The following PELI2 variants were observed in gnomAD, a reference collection of about 807,000 sequenced individuals.
PELI2 encodes E3 ubiquitin-protein ligase pellino homolog 2.
In PELI2, 23 loss-of-function variants were observed where a neutral mutation model predicts 42.3. The ratio of observed to expected loss-of-function variants is 0.54; its 90% CI spans 0.39 to 0.77. PELI2 has a LOEUF of 0.77. Among genes scored for constraint, PELI2 ranks in the 30% least tolerant of loss-of-function variants. The probability of loss-of-function intolerance (pLI) is 0.00; values close to 1 mark genes in which losing one functional copy is unlikely to be tolerated. For missense variants in PELI2, 463 were observed against 553.2 expected (o/e 0.84, Z 1.64); for synonymous variants, 245 against 212.2 (o/e 1.15, Z -1.34).
intron 2 of PELI2, among the ~76,000 whole-genome samples, chr14:56,221,559 G>A (rs1340650523): frequency 6.6e-6 from 1 of 152,182 alleles, no homozygotes; most frequent in African/African-American, 2.4e-5. Context: ...TTGTCTGACT[G>A]CCAAGGTAAC....
chr14:56,287,601 A>G (rs539348127), intron 3 of PELI2, among the ~76,000 whole-genome samples: 2 of 152,238 alleles, frequency 1.3e-5, no homozygotes, highest in Non-Finnish European at 2.9e-5. Flanking sequence ...TTTCAATGAA[A>G]CCAGCAGTTT....
At chr14:56,251,550 A>G (rs1346195107) in intron 2 of PELI2, among the ~76,000 whole-genome samples, 1 of 152,178 alleles carries the variant, frequency 6.6e-6, no homozygotes, top group Non-Finnish European at 1.5e-5. Flanking sequence ...GTTGTGATGC[A>G]GGGAGGTGGA....
intron 2 of PELI2, among the ~76,000 whole-genome samples, chr14:56,231,856 T>C (rs878867072): frequency 3.9e-5 from 6 of 152,110 alleles, no homozygotes; most frequent in Admixed American, 2.6e-4. Context: ...ATTGATAGAC[T>C]GCTAGCAAGA....
intron 4 of PELI2, 43 bp from the exon 5 acceptor site, chr14:56,290,225 A>G (rs374796503): frequency 3.5e-6 from 5 of 1,419,802 alleles, no homozygotes; most frequent in African/African-American, 1.4e-5. Context: ...CCATTTCAAC[A>G]TCATCTTAAC....
At chr14:56,265,041 A>G (rs1888846140) in intron 2 of PELI2, among the ~76,000 whole-genome samples, 1 of 152,206 alleles carries the variant, frequency 6.6e-6, no homozygotes, top group Non-Finnish European at 1.5e-5. Context: ...TGGATCAGAA[A>G]ACTCAACAGT....
intron 3 of PELI2, among the ~76,000 whole-genome samples, chr14:56,283,258 C>G (rs1167814616): frequency 6.6e-6 from 1 of 152,180 alleles, no homozygotes; most frequent in African/African-American, 2.4e-5. Flanking sequence ...TTACTAACTT[C>G]TGAGTACTTT....
intron 3 of PELI2, among the ~76,000 whole-genome samples, chr14:56,282,821 A>T (rs1472523409): frequency 6.6e-6 from 1 of 152,066 alleles, no homozygotes; most frequent in Non-Finnish European, 1.5e-5. Context: ...ATGGAACTTT[A>T]TTATTATATC....
chr14:56,282,902 T>C (rs1019260463), intron 3 of PELI2, among the ~76,000 whole-genome samples: 1 of 152,162 alleles, frequency 6.6e-6, no homozygotes, highest in Non-Finnish European at 1.5e-5. Context: ...GTGAAGATTT[T>C]AAAGATTTTT....
intron 2 of PELI2, among the ~76,000 whole-genome samples, chr14:56,249,666 G>A (rs1454258304): frequency 6.6e-6 from 1 of 152,188 alleles, no homozygotes; most frequent in Non-Finnish European, 1.5e-5. Flanking sequence ...GAGGCAATAT[G>A]GGAATACACA....
intron 1 of PELI2, among the ~76,000 whole-genome samples, chr14:56,161,967 C>CT (rs1374769237): frequency 6.6e-6 from 1 of 151,968 alleles, no homozygotes; most frequent in Non-Finnish European, 1.5e-5. Flanking sequence ...TGCAACATTT[C>CT]TTTTTTTTCC....
At chr14:56,163,516 G>A (rs549340251) in intron 1 of PELI2, among the ~76,000 whole-genome samples, 13 of 151,654 alleles carry the variant, frequency 8.6e-5, no homozygotes, top group African/African-American at 1.7e-4. Flanking sequence ...TGATTTCTCC[G>A]GTTTCATTCT....
At chr14:56,295,359 G>T (rs1295780487) in intron 5 of PELI2, among the ~76,000 whole-genome samples, 2 of 151,830 alleles carry the variant, frequency 1.3e-5, no homozygotes, top group African/African-American at 2.4e-5. Flanking sequence ...CCCCCACCCA[G>T]TGCCCTGAAC....
chr14:56,241,874 C>T (rs2139795641), intron 2 of PELI2, among the ~76,000 whole-genome samples: 1 of 152,212 alleles, frequency 6.6e-6, no homozygotes, highest in East Asian at 1.9e-4. Flanking sequence ...CATTTTAGAT[C>T]CATAAGGACT....
At chr14:56,198,010 A>ACACACCCC (rs772024884) in intron 2 of PELI2, among the ~76,000 whole-genome samples, 1,513 of 114,500 alleles carry the variant, frequency 0.013, 30 homozygotes, top group East Asian at 0.075. Flanking sequence ...ACACACACAC[A>ACACACCCC]CACCCACCTC....
At position 56,197,561 on chromosome 14, in the gene PELI2, C is replaced by T. The variant is rs980488424; in HGVS notation, c.207+19097C>T. Among the ~76,000 whole-genome samples, 7 of 152,034 alleles carry T rather than the reference C, an allele frequency of 4.6e-5. No individual in the cohort carries two copies. The highest frequency in any genetic ancestry group is 1.7e-4 in the African/African-American group (7 of 41,368). On this transcript the variant is annotated intron_variant, in intron 2 of 5. Transcript: ENST00000267460. The surrounding 1 kb of genome is among the most constrained non-coding windows in gnomAD (Gnocchi z 4.9). ...ATGGAAGCACAGAGACCAGTTAGAG[C>T]CTGTTGCATTGGCTTAGACCAGAAA...
At chr14:56,166,297 T>G (rs903856222) in intron 1 of PELI2, among the ~76,000 whole-genome samples, 17 of 152,278 alleles carry the variant, frequency 1.1e-4, no homozygotes, top group Admixed American at 1.1e-3. Context: ...CTTTTTAACT[T>G]TTTGTTGTTC....
At chr14:56,165,448 G>A (rs1479635893) in intron 1 of PELI2, among the ~76,000 whole-genome samples, 1 of 152,012 alleles carries the variant, frequency 6.6e-6, no homozygotes, top group Middle Eastern at 3.2e-3. Context: ...TTTTCAAATA[G>A]CCTGTCTTCA....
At chr14:56,277,457 CAG>C (rs1377913631) in intron 2 of PELI2, among the ~76,000 whole-genome samples, 1 of 151,834 alleles carries the variant, frequency 6.6e-6, no homozygotes, top group Admixed American at 6.6e-5. Context: ...AAAACAAGCT[CAG>C]GGCTCCCACT....
intron 1 of PELI2, among the ~76,000 whole-genome samples, chr14:56,133,049 C>G (rs1883551589): frequency 6.6e-6 from 1 of 151,748 alleles, no homozygotes; most frequent in Non-Finnish European, 1.5e-5. Flanking sequence ...AAAATTTTTC[C>G]AAATTTTGGA....
Sources: gnomAD v4.1 joint callset for allele counts (sites outside exome capture counted in the v4.1 genomes callset) on GRCh38, gnomAD v4.1.1 for gene constraint, Gnocchi (gnomAD v3.1) non-coding constraint, MANE v1.5 for transcripts, NCBI Gene and HGNC (gene_info 2026-07-23, HGNC 2026-07-21) for gene names.